The following ANKRD22 variants were observed in gnomAD, a reference collection of about 807,000 sequenced individuals.
The protein encoded by ANKRD22 is ankyrin repeat domain-containing protein 22.
Under a neutral mutation model 25.7 loss-of-function variants are expected in ANKRD22, and 24 were observed. That is an observed-to-expected ratio of 0.93 (90% CI 0.68 to 1.31). The LOEUF (loss-of-function observed/expected upper bound fraction) is 1.31, where lower values mean the gene tolerates loss of function less well. ANKRD22 is among the 50% of genes most tolerant of loss of function. The pLI, the probability that ANKRD22 is intolerant of heterozygous loss-of-function variation, is 0.00. For missense variants in ANKRD22, 214 were observed against 227.1 expected (o/e 0.94, Z 0.37); for synonymous variants, 84 against 84.3 (o/e 1.00, Z 0.02).
At chr10:88,832,367 CT>C (rs774725783) in intron 1 of ANKRD22, among the ~76,000 whole-genome samples, 44 of 152,010 alleles carry the variant, frequency 2.9e-4, no homozygotes, top group Non-Finnish European at 5.6e-4. Context: ...CATTCATTTT[CT>C]TTACTAAAGA....
intron 1 of ANKRD22, among the ~76,000 whole-genome samples, chr10:88,835,543 T>C (rs562589967): frequency 6.6e-6 from 1 of 152,324 alleles, no homozygotes; most frequent in South Asian, 2.1e-4. Flanking sequence ...CTGTACAGAA[T>C]ACTATAGGCA....
In ANKRD22 at chr10:88,820,413, C is replaced by T. The variant is rs1483989169; in HGVS notation, c.*2528G>A. 1 of 1,552,150 alleles carries T rather than the reference C, an allele frequency of 6.4e-7. No individual in the cohort carries two copies. The highest frequency in any genetic ancestry group is 8.7e-7 in the Non-Finnish European group (1 of 1,147,038). On this transcript the variant is annotated 3_prime_UTR_variant, in exon 6 of 6. Transcript: ENST00000371930. ...GTGGATTTCATCTGGGGTTTGGATGCTCCTCACCGTATGTACAATGAAATC... is the reference window on the plus strand; with the variant it reads ...GTGGATTTCATCTGGGGTTTGGATGTTCCTCACCGTATGTACAATGAAATC...
chr10:88,821,616 A>T lies in ANKRD22; in HGVS notation c.*1325T>A, dbSNP rs939228314. On this transcript the variant is annotated 3_prime_UTR_variant, in exon 6 of 6. Coordinates refer to ENST00000371930, the MANE Select transcript of ANKRD22 (RefSeq NM_144590.3). The stretch of plus-strand genomic sequence containing the variant: ...GACACGTTTAAAGACTTCAGAATCT[A>T]TATCTACACACTATTACTTCCTTCA... Among the ~76,000 whole-genome samples, 2 of 152,230 alleles carry T rather than the reference A, an allele frequency of 1.3e-5. No individual in the cohort carries two copies. The highest frequency in any genetic ancestry group is 2.9e-5 in the Non-Finnish European group (2 of 68,038).
intron 1 of ANKRD22, among the ~76,000 whole-genome samples, chr10:88,840,561 A>T (rs1843994803): frequency 6.6e-6 from 1 of 151,710 alleles, no homozygotes. Flanking sequence ...GGCTCAGAGG[A>T]ATTGGTTCAC....
intron 1 of ANKRD22, among the ~76,000 whole-genome samples, chr10:88,842,370 G>A (rs957682313): frequency 2.0e-5 from 3 of 151,988 alleles, no homozygotes; most frequent in African/African-American, 7.2e-5. Flanking sequence ...TTATACTCTG[G>A]TCTATCTAAC....
intron 1 of ANKRD22, among the ~76,000 whole-genome samples, chr10:88,838,490 C>A (rs747840232): frequency 5.9e-5 from 9 of 152,218 alleles, no homozygotes; most frequent in Non-Finnish European, 1.0e-4. Context: ...AGAAAAGTAA[C>A]CAGTTTAGAA....
At chr10:88,848,473 C>T (rs1186687484) in intron 1 of ANKRD22, among the ~76,000 whole-genome samples, 3 of 152,088 alleles carry the variant, frequency 2.0e-5, no homozygotes, top group Non-Finnish European at 2.9e-5. Context: ...GCCTGATGCT[C>T]TTCTTGCATA....
chr10:88,832,741 A>T (rs964213738), intron 1 of ANKRD22, among the ~76,000 whole-genome samples: 1 of 152,194 alleles, frequency 6.6e-6, no homozygotes, highest in African/African-American at 2.4e-5. Flanking sequence ...TATAAAAAGC[A>T]TTATACAGAG....
At chr10:88,828,190 T>A (rs1487870738) in intron 3 of ANKRD22, among the ~76,000 whole-genome samples, 1 of 152,042 alleles carries the variant, frequency 6.6e-6, no homozygotes, top group African/African-American at 2.4e-5. Context: ...AATCAGTAAG[T>A]CAGAAAGATA....
intron 1 of ANKRD22, among the ~76,000 whole-genome samples, chr10:88,847,127 A>G (rs1458030600): frequency 1.3e-5 from 2 of 152,156 alleles, no homozygotes; most frequent in Admixed American, 6.6e-5. Context: ...TCAATACACA[A>G]TTGGGATCTT....
intron 3 of ANKRD22, among the ~76,000 whole-genome samples, chr10:88,827,462 T>C (rs1260028745): frequency 6.6e-6 from 1 of 152,238 alleles, no homozygotes; most frequent in Non-Finnish European, 1.5e-5. Flanking sequence ...ATCACAGTTG[T>C]AATTTTTACC....
Position 88,851,647 on chromosome 10 carries a change from TG to T in ANKRD22, c.-41del. The T allele has an allele frequency of 6.2e-7, 1 of 1,608,032 alleles. No individual in the cohort carries two copies. The highest frequency in any genetic ancestry group is 8.5e-7 in the Non-Finnish European group (1 of 1,174,912). On this transcript the variant is annotated 5_prime_UTR_variant, in exon 1 of 6. Coordinates refer to ENST00000371930, the MANE Select transcript of ANKRD22 (RefSeq NM_144590.3). ...GGCTTACTTCACCTCTACAGCTCCT[TG>T]AATCTTCTGGAGGTATTTCTGATGA...
At chr10:88,832,117 T>C in intron 1 of ANKRD22, 91 bp from the exon 2 acceptor site, 1 of 1,316,490 alleles carries the variant, frequency 7.6e-7, no homozygotes, top group Non-Finnish European at 1.0e-6. Flanking sequence ...TACATTAAAA[T>C]TTAAATGTTT....
At position 88,822,677 on chromosome 10, in the gene ANKRD22, C is replaced by A; in HGVS notation, c.*264G>T. On this transcript the variant is annotated 3_prime_UTR_variant, in exon 6 of 6. Transcript: ENST00000371930. ...GGATTACAGGCATGTACCACTGTGC[C>A]TAGCTGAAACATCAGTTTCTGACTG... 2.8e-6 allele frequency: 1 copy of A among 357,370 alleles called. No individual in the cohort carries two copies. Among genetic ancestry groups the A allele is most frequent in the South Asian group, 2.8e-5 (1 of 36,350 alleles). The allele number at this position is 357,370 out of a possible 1,614,324, so 22.1% of individuals were successfully genotyped here.
chr10:88,841,543 C>G (rs184323230), intron 1 of ANKRD22, among the ~76,000 whole-genome samples: 1 of 152,242 alleles, frequency 6.6e-6, no homozygotes, highest in Non-Finnish European at 1.5e-5. Flanking sequence ...CCAGCTCCAG[C>G]CTGCTCCAAT....
intron 1 of ANKRD22, among the ~76,000 whole-genome samples, chr10:88,843,156 CT>C (rs1417832337): frequency 6.6e-6 from 1 of 152,068 alleles, no homozygotes; most frequent in Non-Finnish European, 1.5e-5. Flanking sequence ...TCTATAAAAG[CT>C]TCTTCTCTTG....
At chr10:88,843,182 C>T (rs890154024) in intron 1 of ANKRD22, among the ~76,000 whole-genome samples, 1 of 152,118 alleles carries the variant, frequency 6.6e-6, no homozygotes, top group African/African-American at 2.4e-5. Context: ...CCATCTACTT[C>T]ACCTCCTTTT....
chr10:88,831,759 T>G, intron 2 of ANKRD22, 76 bp downstream of exon 2: 1 of 1,407,330 alleles, frequency 7.1e-7, no homozygotes, highest in Admixed American at 2.6e-5. Flanking sequence ...AAAAATGACA[T>G]GCACCACTTC....
At chr10:88,824,956 A>T (rs983249115) in intron 4 of ANKRD22, among the ~76,000 whole-genome samples, 1 of 152,002 alleles carries the variant, frequency 6.6e-6, no homozygotes, top group Non-Finnish European at 1.5e-5. Context: ...ATAAAAGGGA[A>T]TATAAATTTC....
Sources: gnomAD v4.1 joint callset for allele counts (sites outside exome capture counted in the v4.1 genomes callset) on GRCh38, gnomAD v4.1.1 for gene constraint, MANE v1.5 for transcripts, NCBI Gene and HGNC (gene_info 2026-07-23, HGNC 2026-07-21) for gene names.